Variants in SOX6 observed in about 807,000 individuals in gnomAD.
SOX6 encodes the protein transcription factor SOX-6.
In SOX6, 11 loss-of-function variants were observed where a neutral mutation model predicts 97.8. That is an observed-to-expected ratio of 0.11 (90% CI 0.07 to 0.19). The LOEUF (loss-of-function observed/expected upper bound fraction) is 0.19. SOX6 is among the 10% of genes least tolerant of loss of function. The pLI is 1.00. For missense variants in SOX6, 810 were observed against 1,039.5 expected, an observed-to-expected ratio of 0.78 and a Z score of 3.04; for synonymous variants, 360 against 371.4, an observed-to-expected ratio of 0.97 and a Z score of 0.35.
intron 4 of SOX6, among the ~76,000 whole-genome samples, chr11:16,540,280 C>A (rs545336295): frequency 5.3e-5 from 8 of 152,222 alleles, no homozygotes; most frequent in Non-Finnish European, 1.0e-4. Context: ...GCCCTTCATG[C>A]TAAAAACTCT....
At chr11:16,652,620 G>T (rs1460803961) in intron 3 of SOX6, among the ~76,000 whole-genome samples, 2 of 152,058 alleles carry the variant, frequency 1.3e-5, no homozygotes, top group African/African-American at 4.8e-5. Flanking sequence ...ACCCCAGGTG[G>T]ATCAAAGACT....
At chr11:15,977,672 G>C (rs1853528535) in intron 15 of SOX6, among the ~76,000 whole-genome samples, 1 of 151,940 alleles carries the variant, frequency 6.6e-6, no homozygotes, top group Non-Finnish European at 1.5e-5. Flanking sequence ...GCTGAACTTG[G>C]CTGGAGAAAA....
At chr11:16,548,266 G>A (rs530829021) in intron 4 of SOX6, among the ~76,000 whole-genome samples, 8 of 152,222 alleles carry the variant, frequency 5.3e-5, no homozygotes, top group African/African-American at 1.4e-4. Flanking sequence ...TGCAAAATAT[G>A]TTAAAGAAAG....
intron 9 of SOX6, among the ~76,000 whole-genome samples, chr11:16,082,072 C>G (rs1848483922): frequency 6.6e-6 from 1 of 152,152 alleles, no homozygotes; most frequent in Admixed American, 6.5e-5. Context: ...AATTGTCACC[C>G]TAAAAACACT....
chr11:16,624,907 T>C (rs552424567), intron 3 of SOX6, among the ~76,000 whole-genome samples: 1 of 152,326 alleles, frequency 6.6e-6, no homozygotes, highest in Admixed American at 6.5e-5. Flanking sequence ...TTATTAACTA[T>C]TTGTGTATAA....
chr11:16,094,175 T>C (rs1848747702), intron 9 of SOX6, among the ~76,000 whole-genome samples: 1 of 151,896 alleles, frequency 6.6e-6, no homozygotes, highest in African/African-American at 2.4e-5. Flanking sequence ...GACAGACACG[T>C]GACATATGCT....
chr11:16,318,021 A>G (rs1477884480), intron 3 of SOX6: 1 of 426,030 alleles, frequency 2.3e-6, no homozygotes, highest in Non-Finnish European at 4.6e-6. Context: ...TTAGGAGATA[A>G]ATAATATATT....
At chr11:16,664,808 A>G (rs778731706) in intron 3 of SOX6, among the ~76,000 whole-genome samples, 3 of 151,920 alleles carry the variant, frequency 2.0e-5, no homozygotes, top group Non-Finnish European at 4.4e-5. Flanking sequence ...GCTTGAGGAA[A>G]AGAGAGCAAA....
intron 1 of SOX6, among the ~76,000 whole-genome samples, chr11:16,376,260 C>T (rs1857640663): frequency 6.6e-6 from 1 of 151,992 alleles, no homozygotes; most frequent in South Asian, 2.1e-4. Context: ...TCTTTTCTTC[C>T]TGGATTTATA....
intron 6 of SOX6, among the ~76,000 whole-genome samples, chr11:16,141,384 C>G (rs1478430814): frequency 6.6e-6 from 1 of 152,108 alleles, no homozygotes; most frequent in Non-Finnish European, 1.5e-5. Context: ...GAACCAACGG[C>G]AGTTCCAAGA....
chr11:16,068,920 T>G (rs778542935), intron 9 of SOX6, among the ~76,000 whole-genome samples: 163 of 152,220 alleles, frequency 1.1e-3, no homozygotes, highest in Non-Finnish European at 7.8e-4. Context: ...TGAGGCTTAT[T>G]TATCTTTATG....
At chr11:16,493,522 A>G (rs1449705025) in intron 4 of SOX6, among the ~76,000 whole-genome samples, 1 of 152,156 alleles carries the variant, frequency 6.6e-6, no homozygotes, top group African/African-American at 2.4e-5. Context: ...GGAAGAAGAA[A>G]GGCTTCCGGG....
intron 4 of SOX6, among the ~76,000 whole-genome samples, chr11:16,603,032 GA>G (rs541537090): frequency 7.6e-5 from 11 of 145,458 alleles, no homozygotes; most frequent in Non-Finnish European, 1.1e-4. Flanking sequence ...AATAAAAAAA[GA>G]AAAAAAAAAG....
chr11:16,152,942 C>G (rs1850496597), intron 6 of SOX6, among the ~76,000 whole-genome samples: 1 of 152,014 alleles, frequency 6.6e-6, no homozygotes, highest in African/African-American at 2.4e-5. Context: ...TCTCGGCTCA[C>G]AGCAACCTCC....
intron 4 of SOX6, among the ~76,000 whole-genome samples, chr11:16,494,654 A>G (rs1258679998): frequency 2.0e-5 from 3 of 152,172 alleles, no homozygotes; most frequent in East Asian, 1.9e-4. Flanking sequence ...CTGAAATTCA[A>G]TAGGGAAGTA....
At chr11:16,375,870 A>G (rs1463744794) in intron 1 of SOX6, among the ~76,000 whole-genome samples, 1 of 152,158 alleles carries the variant, frequency 6.6e-6, no homozygotes, top group Admixed American at 6.6e-5. Flanking sequence ...GGATGAGTTC[A>G]TGTCCTTTGA....
chr11:16,610,957 C>T lies in SOX6; in HGVS notation n.609+1124G>A, dbSNP rs2133982417. On this transcript the variant is annotated intron_variant and non_coding_transcript_variant, in intron 4 of 5. Transcript: ENST00000524520. This position sits in a 1 kb window ranked among gnomAD's most constrained non-coding sequence, Gnocchi z 4.4. ...AGCTCACATCCCCTGGGGGTTGGAG[C>T]CCCACGCGGCGCAAGAACCCCGGGC... 6.6e-6 allele frequency among the ~76,000 whole-genome samples: 1 copy of T among 152,294 alleles called. No homozygotes were observed. Among genetic ancestry groups the T allele is most frequent in the African/African-American group, 2.4e-5 (1 of 41,578 alleles).
chr11:16,062,625 T>C (rs1847987489), intron 9 of SOX6, among the ~76,000 whole-genome samples: 2 of 151,754 alleles, frequency 1.3e-5, no homozygotes, highest in African/African-American at 2.4e-5. Flanking sequence ...GTTTGGGATA[T>C]TGAATTGTTT....
intron 6 of SOX6, among the ~76,000 whole-genome samples, chr11:16,112,715 T>C (rs1305274161): frequency 3.3e-5 from 5 of 152,174 alleles, no homozygotes; most frequent in Admixed American, 6.5e-5. Flanking sequence ...GTATTCCATA[T>C]AAAGAAAATA....
Sources: allele counts gnomAD v4.1 joint callset (sites outside exome capture counted in the v4.1 genomes callset), GRCh38; gene constraint gnomAD v4.1.1; non-coding constraint Gnocchi (gnomAD v3.1); transcripts MANE v1.5; gene names NCBI Gene and HGNC (gene_info 2026-07-23, HGNC 2026-07-21).